The following PARD3B variants were observed in gnomAD, a reference collection of about 807,000 sequenced individuals.
PARD3B encodes par-3 family cell polarity regulator beta.
In PARD3B, 103 loss-of-function variants were observed where a neutral mutation model predicts 130.2. The observed-to-expected ratio is 0.79, with a 90% CI of 0.67 to 0.93. The LOEUF is 0.93. Among genes scored for constraint, PARD3B ranks in the 40% least tolerant of loss-of-function variants. PARD3B has a pLI of 0.00. For synonymous variants in PARD3B, 583 were observed against 553.2 expected, an observed-to-expected ratio of 1.05 and a Z score of -0.76; for missense variants, 1,609 against 1,499.2, an observed-to-expected ratio of 1.07 and a Z score of -1.21.
intron 2 of PARD3B, among the ~76,000 whole-genome samples, chr2:204,720,103 T>C (rs2038926931): frequency 1.3e-5 from 2 of 152,224 alleles, no homozygotes; most frequent in Non-Finnish European, 2.9e-5. Flanking sequence ...GTCAACTCTG[T>C]TATTTAGCAG....
In PARD3B at chr2:205,193,391, G is replaced by A. The variant is rs1289000309; in HGVS notation, c.2140+71G>A. The A allele has an allele frequency of 4.1e-6, 5 of 1,230,994 alleles. No individual in the cohort carries two copies. In the East Asian group the frequency reaches 1.2e-4, roughly 29 times the overall value. The allele number at this position is 1,230,994 out of a possible 1,614,324, so 76.3% of individuals were successfully genotyped here. A position where few individuals can be genotyped will look rare whatever the true frequency, so the allele number is the denominator to read the frequency against. ...CCCATTTATCTTCCCAAATGTCCTG[G>A]TTTTGTTTCTTCAACTCAAACCTCA... On this transcript the variant is annotated intron_variant, in intron 15 of 22. Coordinates refer to ENST00000406610, the MANE Select transcript of PARD3B (RefSeq NM_001302769.2).
In PARD3B at chr2:205,460,703, G is replaced by A. The variant is rs191566466; in HGVS notation, c.3044+20031G>A. 9.2e-5 allele frequency among the ~76,000 whole-genome samples: 14 copies of A among 152,220 alleles called. No individual in the cohort carries two copies. Among genetic ancestry groups the A allele is most frequent in the Non-Finnish European group, 1.6e-4 (11 of 68,010 alleles). On this transcript the variant is annotated intron_variant, in intron 20 of 22. Transcript: ENST00000406610. This position sits in a 1 kb window ranked among gnomAD's most constrained non-coding sequence, Gnocchi z 4.9. Reference sequence around the variant, plus strand: ...TTGCCTCCAGAATGAAGGTGATACCGTATCTCATAAAATTCACAGAGGCCT... The same window carrying A: ...TTGCCTCCAGAATGAAGGTGATACCATATCTCATAAAATTCACAGAGGCCT...
At chr2:205,354,559 C>G (rs1381785667) in intron 18 of PARD3B, among the ~76,000 whole-genome samples, 1 of 151,734 alleles carries the variant, frequency 6.6e-6, no homozygotes, top group African/African-American at 2.4e-5. Context: ...CTCAAGTGAC[C>G]CTCCCACCTC....
At chr2:204,550,903 T>A (rs2030407359) in intron 1 of PARD3B, among the ~76,000 whole-genome samples, 1 of 152,242 alleles carries the variant, frequency 6.6e-6, no homozygotes, top group Admixed American at 6.5e-5. Context: ...TGATGCCTTG[T>A]TACCTAAATA....
At chr2:204,762,851 C>T (rs1290516658) in intron 2 of PARD3B, among the ~76,000 whole-genome samples, 1 of 151,596 alleles carries the variant, frequency 6.6e-6, no homozygotes, top group Non-Finnish European at 1.5e-5. Flanking sequence ...ACCTCCACCT[C>T]CCAGGTTCAA....
At chr2:205,375,720 A>G (rs2045019166) in intron 18 of PARD3B, among the ~76,000 whole-genome samples, 1 of 152,192 alleles carries the variant, frequency 6.6e-6, no homozygotes, top group Non-Finnish European at 1.5e-5. Flanking sequence ...GGAACAAGCT[A>G]GAAGGGAGGA....
intron 2 of PARD3B, among the ~76,000 whole-genome samples, chr2:204,808,504 C>T (rs1305059538): frequency 6.6e-6 from 1 of 152,074 alleles, no homozygotes; most frequent in African/African-American, 2.4e-5. Context: ...CTGCCTCTGT[C>T]AAGTAGGCCC....
intron 22 of PARD3B, among the ~76,000 whole-genome samples, chr2:205,581,843 A>G (rs116698925): frequency 0.014 from 2,189 of 152,246 alleles, 53 homozygotes; most frequent in African/African-American, 0.049. Flanking sequence ...CATAACTCCA[A>G]TTTTCAGGCA....
At chr2:204,839,285 T>C (rs907918101) in intron 2 of PARD3B, among the ~76,000 whole-genome samples, 16 of 152,194 alleles carry the variant, frequency 1.1e-4, no homozygotes, top group Middle Eastern at 3.2e-3. Flanking sequence ...GTCAGTTGTG[T>C]TAGCAAGGCA....
intron 1 of PARD3B, among the ~76,000 whole-genome samples, chr2:204,648,651 T>A (rs2035363642): frequency 8.7e-6 from 1 of 115,554 alleles, no homozygotes; most frequent in African/African-American, 3.4e-5. Flanking sequence ...ATTATATATA[T>A]AATATATTTA....
intron 22 of PARD3B, among the ~76,000 whole-genome samples, chr2:205,556,119 G>A (rs914800743): frequency 1.3e-5 from 2 of 152,112 alleles, no homozygotes; most frequent in Admixed American, 6.5e-5. Flanking sequence ...AGCACATCTC[G>A]GTAGGCACCG....
intron 2 of PARD3B, among the ~76,000 whole-genome samples, chr2:204,893,172 T>C (rs1448923955): frequency 1.3e-5 from 2 of 152,098 alleles, no homozygotes; most frequent in Non-Finnish European, 2.9e-5. Context: ...ATGAAGAAAG[T>C]ATTTCAAGAA....
chr2:204,726,569 T>TAA (rs1386212834), intron 2 of PARD3B, among the ~76,000 whole-genome samples: 1 of 152,162 alleles, frequency 6.6e-6, no homozygotes, highest in Non-Finnish European at 1.5e-5. Flanking sequence ...TTTTACCTCT[T>TAA]AGTCCATGAT....
intron 2 of PARD3B, among the ~76,000 whole-genome samples, chr2:204,786,320 A>G (rs1446968723): frequency 6.6e-6 from 1 of 151,982 alleles, no homozygotes; most frequent in Non-Finnish European, 1.5e-5. Flanking sequence ...TTAATTTCCT[A>G]CTCCTGGAGT....
intron 2 of PARD3B, among the ~76,000 whole-genome samples, chr2:204,692,423 TATTC>T (rs760130665): frequency 2.0e-5 from 3 of 152,042 alleles, no homozygotes; most frequent in African/African-American, 4.8e-5. Flanking sequence ...GTGTGTAACT[TATTC>T]AGTCTGTAGT....
At chr2:204,599,424 G>A (rs2033421717) in intron 1 of PARD3B, among the ~76,000 whole-genome samples, 1 of 151,764 alleles carries the variant, frequency 6.6e-6, no homozygotes, top group Non-Finnish European at 1.5e-5. Context: ...CCAAATATGA[G>A]TGAGAACATG....
In PARD3B at chr2:205,616,016, A is replaced by G; in HGVS notation, c.*203A>G. ...TGGGGAGGAAAAAAAATCAGAAGGA[A>G]GACGAAAGATGGGGCTATAAAAACA... On this transcript the variant is annotated 3_prime_UTR_variant, in exon 23 of 23. Transcript: ENST00000406610. 3.6e-6 allele frequency: 2 copies of G among 556,682 alleles called. No homozygotes were observed. Among genetic ancestry groups the G allele is most frequent in the Admixed American group, 3.5e-5 (1 of 28,320 alleles). The allele number at this position is 556,682 out of a possible 1,614,324, so 34.5% of individuals were successfully genotyped here.
At chr2:204,608,098 A>T (rs1352959685) in intron 1 of PARD3B, among the ~76,000 whole-genome samples, 1 of 152,192 alleles carries the variant, frequency 6.6e-6, no homozygotes, top group Non-Finnish European at 1.5e-5. Context: ...GCTACTGCAT[A>T]AATATCTGTG....
rs1375326201 is a variant in PARD3B at position 205,122,151 on chromosome 2, A to G, written c.1165+202A>G. ...TCTTCGGAGTGTATAGATTATTTTA[A>G]ACAAGAAAATAATAAAGACATGTTG... On this transcript the variant is annotated intron_variant, in intron 8 of 22. Transcript: ENST00000406610. The surrounding 1 kb of genome is among the most constrained non-coding windows in gnomAD (Gnocchi z 4.3). Among the ~76,000 whole-genome samples, 1 of 152,132 alleles carries G rather than the reference A, an allele frequency of 6.6e-6. No individual in the cohort carries two copies. Among genetic ancestry groups the G allele is most frequent in the Admixed American group, 6.5e-5 (1 of 15,268 alleles).
Sources: allele counts gnomAD v4.1 joint callset (sites outside exome capture counted in the v4.1 genomes callset), GRCh38; gene constraint gnomAD v4.1.1; non-coding constraint Gnocchi (gnomAD v3.1); transcripts MANE v1.5; gene names NCBI Gene and HGNC (gene_info 2026-07-23, HGNC 2026-07-21).